The following BEND5 variants were observed in gnomAD, a reference collection of about 807,000 sequenced individuals.
The protein encoded by BEND5 is BEN domain containing 5.
In BEND5, 22 loss-of-function variants were observed where a neutral mutation model predicts 43.9. That is an observed-to-expected ratio of 0.50 (90% CI 0.36 to 0.72). The LOEUF is 0.72. BEND5 is among the 30% of genes least tolerant of loss of function. The pLI is 0.00. For missense variants in BEND5, 428 were observed against 550.6 expected (o/e 0.78, Z 2.23); for synonymous variants, 228 against 225.9 (o/e 1.01, Z -0.08).
At chr1:48,734,046 A>AGGCAG in intron 5 of BEND5, among the ~76,000 whole-genome samples, 1 of 152,330 alleles carries the variant, frequency 6.6e-6, no homozygotes, top group African/African-American at 2.4e-5. Flanking sequence ...GTCACCTACC[A>AGGCAG]GGCAGGGCAG....
intron 3 of BEND5, among the ~76,000 whole-genome samples, chr1:48,745,415 A>T (rs1036331323): frequency 2.6e-5 from 4 of 152,144 alleles, no homozygotes; most frequent in African/African-American, 9.7e-5. Context: ...CTGCTATCAC[A>T]CTGTCTACAG....
intron 2 of BEND5, 132 bp downstream of exon 2, chr1:48,761,205 C>T (rs1644239613): frequency 9.7e-7 from 1 of 1,028,032 alleles, no homozygotes; most frequent in Admixed American, 2.9e-5. Flanking sequence ...GCTTTCACTA[C>T]CCTGAAAAAA....
intron 3 of BEND5, among the ~76,000 whole-genome samples, chr1:48,749,666 A>G (rs529242174): frequency 1.3e-4 from 20 of 152,280 alleles, no homozygotes; most frequent in African/African-American, 4.6e-4. Flanking sequence ...AAAGCCCCAC[A>G]ATCATGAGGG....
chr1:48,731,355 G>C (rs913021518), intron 5 of BEND5, among the ~76,000 whole-genome samples: 1 of 152,166 alleles, frequency 6.6e-6, no homozygotes, highest in Non-Finnish European at 1.5e-5. Context: ...AGTTCAGCTT[G>C]GCTGTCTCTA....
chr1:48,775,284 C>T (rs1273027622), intron 1 of BEND5, among the ~76,000 whole-genome samples: 2 of 152,090 alleles, frequency 1.3e-5, no homozygotes, highest in African/African-American at 2.4e-5. Flanking sequence ...CCAGTTCTTC[C>T]ACTCTTCAAC....
chr1:48,764,864 G>A (rs1644455071), intron 1 of BEND5, among the ~76,000 whole-genome samples: 1 of 152,214 alleles, frequency 6.6e-6, no homozygotes, highest in Non-Finnish European at 1.5e-5. Context: ...GCTCAGCAAG[G>A]ACTGCCTGCT....
chr1:48,741,813 G>T (rs1649957054), intron 4 of BEND5, among the ~76,000 whole-genome samples: 2 of 152,196 alleles, frequency 1.3e-5, no homozygotes, highest in Non-Finnish European at 2.9e-5. Context: ...TGTAATGCAT[G>T]CCACAGTGGC....
chr1:48,743,538 T>C (rs1380648967), intron 3 of BEND5, among the ~76,000 whole-genome samples: 1 of 152,198 alleles, frequency 6.6e-6, no homozygotes, highest in Non-Finnish European at 1.5e-5. Flanking sequence ...AATGACTTGA[T>C]TAACTTTTGT....
rs1648998616 is a variant in BEND5 at position 48,736,101 on chromosome 1, C to G, written c.1108+138G>C. The stretch of plus-strand genomic sequence containing the variant: ...TCTTCTGGGGCATTTGGGTTATCCG[C>G]TTGGTGTCCCCGGGCTCAGCCCAGG... On this transcript the variant is annotated intron_variant, in intron 5 of 5. Transcript: ENST00000371833. The surrounding 1 kb of genome is among the most constrained non-coding windows in gnomAD (Gnocchi z 4.0). The G allele has an allele frequency of 1.1e-6, 1 of 925,448 alleles. No homozygotes were observed. The highest frequency in any genetic ancestry group is 1.7e-6 in the Non-Finnish European group (1 of 598,266). The allele number at this position is 925,448 out of a possible 1,614,324, so 57.3% of individuals were successfully genotyped here.
intron 1 of BEND5, among the ~76,000 whole-genome samples, chr1:48,773,777 T>C (rs2148701799): frequency 6.6e-6 from 1 of 152,280 alleles, no homozygotes; most frequent in African/African-American, 2.4e-5. Context: ...TGTAGGCAAG[T>C]CTCTGAGCTT....
intron 1 of BEND5, among the ~76,000 whole-genome samples, chr1:48,765,146 A>T (rs966853462): frequency 6.6e-6 from 1 of 152,170 alleles, no homozygotes; most frequent in African/African-American, 2.4e-5. Flanking sequence ...GTAGTCTATT[A>T]TCTTACTATT....
chr1:48,774,820 A>AT (rs1644997573), intron 1 of BEND5, among the ~76,000 whole-genome samples: 1 of 152,228 alleles, frequency 6.6e-6, no homozygotes, highest in African/African-American at 2.4e-5. Context: ...TGCTGAATGA[A>AT]TGAGTAGATG....
Position 48,742,698 on chromosome 1 carries a change from A to T in BEND5, c.819T>A (p.Ser273Arg). ...EPEPELRSTF[S>R]EEANTSSYYP... ...AATAGGACGACGTATTTGCTTCCTC[A>T]CTGAAAGTGCTCCGTAACTCCGGCT... Residue 273 changes from serine (S) to arginine (R), a missense_variant, in exon 4 of 6, where the codon AGT becomes AGA. Physicochemically the swap from Ser to Arg is moderately radical, Grantham distance 110. This residue lies in a region of BEND5 where 243 missense variants were observed against 286.4 expected (regional missense o/e 0.85). Coordinates refer to ENST00000371833, the MANE Select transcript of BEND5 (RefSeq NM_024603.4). The T allele has an allele frequency of 6.2e-7, 1 of 1,611,610 alleles. No homozygotes were observed. The highest frequency in any genetic ancestry group is 8.5e-7 in the Non-Finnish European group (1 of 1,178,808).
intron 1 of BEND5, among the ~76,000 whole-genome samples, chr1:48,762,309 A>G (rs527439433): frequency 3.9e-5 from 6 of 152,196 alleles, no homozygotes; most frequent in Non-Finnish European, 7.3e-5. Context: ...AACCTAAGAT[A>G]ATCTGTTTCT....
chr1:48,738,763 TC>T (rs1649461338), intron 4 of BEND5, among the ~76,000 whole-genome samples: 1 of 152,186 alleles, frequency 6.6e-6, no homozygotes. Context: ...GAGATGAAAG[TC>T]CTTTTAGCCA....
At position 48,736,566 on chromosome 1, in the gene BEND5, T is replaced by C; in HGVS notation, c.895-114A>G. 1 of 923,356 alleles carries C rather than the reference T, an allele frequency of 1.1e-6. No individual in the cohort carries two copies. Among genetic ancestry groups the C allele is most frequent in the Non-Finnish European group, 1.7e-6 (1 of 596,938 alleles). The allele number at this position is 923,356 out of a possible 1,614,324, so 57.2% of individuals were successfully genotyped here. A position where few individuals can be genotyped will look rare whatever the true frequency, so the allele number is the denominator to read the frequency against. On this transcript the variant is annotated intron_variant, in intron 4 of 5. Transcript: ENST00000371833. The surrounding 1 kb of genome is among the most constrained non-coding windows in gnomAD (Gnocchi z 4.0). ...AACTGTAAGAGATTCATGTCATAAATATGAAATTAACTCTCTTTAAGGGTA... is the reference window on the plus strand; with the variant it reads ...AACTGTAAGAGATTCATGTCATAAACATGAAATTAACTCTCTTTAAGGGTA...
chr1:48,746,334 G>C (rs1394619639), intron 3 of BEND5, among the ~76,000 whole-genome samples: 1 of 152,150 alleles, frequency 6.6e-6, no homozygotes, highest in Non-Finnish European at 1.5e-5. Context: ...CTGTGAAACA[G>C]AGGCCCTGCT....
chr1:48,741,449 G>A (rs1649895446), intron 4 of BEND5, among the ~76,000 whole-genome samples: 1 of 152,222 alleles, frequency 6.6e-6, no homozygotes, highest in African/African-American at 2.4e-5. Context: ...CCTCTGCAAA[G>A]CTGACGTTTC....
intron 4 of BEND5, among the ~76,000 whole-genome samples, chr1:48,737,991 T>G (rs1423228335): frequency 6.6e-6 from 1 of 152,206 alleles, no homozygotes; most frequent in African/African-American, 2.4e-5. Context: ...CAGAGACATC[T>G]CTGGAGAGGT....
Sources: gnomAD v4.1 joint callset for allele counts (sites outside exome capture counted in the v4.1 genomes callset) on GRCh38, gnomAD v4.1.1 for gene constraint, gnomAD v4.1.1 regional missense constraint, Gnocchi (gnomAD v3.1) non-coding constraint, MANE v1.5 for transcripts, NCBI Gene and HGNC (gene_info 2026-07-23, HGNC 2026-07-21) for gene names.